Variants in PIGN observed in about 807,000 individuals in gnomAD.
PIGN encodes the protein phosphatidylinositol glycan anchor biosynthesis class N, also known as GPI ethanolamine phosphate transferase 1.
A neutral mutation model predicts 125.4 loss-of-function variants in PIGN; 117 were observed. The observed-to-expected ratio is 0.93, with a 90% CI of 0.80 to 1.09. PIGN has a LOEUF of 1.09. Ranked by LOEUF, PIGN falls within the 50% of genes least tolerant of loss-of-function variation. The pLI, the probability that PIGN is intolerant of heterozygous loss-of-function variation, is 0.00. For synonymous variants in PIGN, 392 were observed against 377.8 expected (o/e 1.04, Z -0.44); for missense variants, 1,075 against 1,094.9 (o/e 0.98, Z 0.26).
chr18:62,151,621 T>C (rs2147379735), intron 7 of PIGN, among the ~76,000 whole-genome samples: 1 of 152,300 alleles, frequency 6.6e-6, no homozygotes, highest in East Asian at 1.9e-4. Context: ...GGATCAAGAT[T>C]AAACACTGCA....
chr18:62,173,418 G>A (rs1168978400), intron 1 of PIGN, among the ~76,000 whole-genome samples: 2 of 152,020 alleles, frequency 1.3e-5, no homozygotes, highest in East Asian at 1.9e-4. Context: ...TTTTTCTAGA[G>A]ACTGGGTCTC....
chr18:62,087,221 A>G (rs1178757193), intron 25 of PIGN, among the ~76,000 whole-genome samples: 1 of 152,202 alleles, frequency 6.6e-6, no homozygotes, highest in Non-Finnish European at 1.5e-5. Context: ...AAGTAATTAT[A>G]GAGAAGAAGA....
At chr18:62,158,698 A>G (rs937845302) in intron 4 of PIGN, among the ~76,000 whole-genome samples, 1 of 152,252 alleles carries the variant, frequency 6.6e-6, no homozygotes, top group Non-Finnish European at 1.5e-5. Flanking sequence ...AAAAATATTT[A>G]TAACTACTGG....
intron 27 of PIGN, among the ~76,000 whole-genome samples, chr18:62,083,046 C>T (rs968737946): frequency 6.6e-6 from 1 of 151,978 alleles, no homozygotes; most frequent in African/African-American, 2.4e-5. Context: ...TAATAATTAA[C>T]CACAATGTTC....
At chr18:62,161,064 A>C (rs1798160347) in intron 4 of PIGN, 69 bp downstream of exon 4, 1 of 963,630 alleles carries the variant, frequency 1.0e-6, no homozygotes, top group Non-Finnish European at 1.6e-6. Context: ...AAATAGTAAG[A>C]TATTTTGCAG....
chr18:62,097,677 T>C (rs1337579005), intron 22 of PIGN, among the ~76,000 whole-genome samples: 1 of 152,182 alleles, frequency 6.6e-6, no homozygotes, highest in Non-Finnish European at 1.5e-5. Flanking sequence ...CAAAGACAAC[T>C]TACTCCTCAG....
At chr18:62,022,990 T>C (rs2030071644) in intron 23 of PIGN, among the ~76,000 whole-genome samples, 1 of 152,248 alleles carries the variant, frequency 6.6e-6, no homozygotes, top group Admixed American at 6.5e-5. Context: ...TGTAAATAGA[T>C]GTTCTACTGT....
rs1456027843 is a variant in PIGN at position 62,106,784 on chromosome 18, C to A, written c.1767+5G>T. On this transcript the variant is annotated splice_donor_5th_base_variant and intron_variant, in intron 19 of 30. Coordinates refer to ENST00000640252, the MANE Select transcript of PIGN (RefSeq NM_176787.5). The stretch of plus-strand genomic sequence containing the variant: ...TCTGTCCTATGTCAAAATGAGTACT[C>A]ATACCTTTGCTCGAGTCCACAGCCG... The A allele has an allele frequency of 6.3e-7, 1 of 1,591,386 alleles. No homozygotes were observed. Among genetic ancestry groups the A allele is most frequent in the East Asian group, 2.3e-5 (1 of 44,266 alleles).
At chr18:62,032,688 G>A (rs977491634) in intron 23 of PIGN, among the ~76,000 whole-genome samples, 1 of 152,178 alleles carries the variant, frequency 6.6e-6, no homozygotes, top group Non-Finnish European at 1.5e-5. Context: ...TTGTTTACTA[G>A]CTGTGAGATC....
At chr18:62,083,860 C>T (rs578243919) in intron 27 of PIGN, among the ~76,000 whole-genome samples, 5 of 152,182 alleles carry the variant, frequency 3.3e-5, no homozygotes, top group African/African-American at 7.2e-5. Context: ...TAAGATGACA[C>T]CTTTAACCAT....
Position 62,157,808 on chromosome 18 carries a change from C to T in PIGN, c.222G>A (p.Arg74=). The change falls in exon 5 of 31, where the codon AGG becomes AGA. Residue 74 remains arginine, a splice_region_variant and synonymous_variant. Transcript: ENST00000640252. The stretch of plus-strand genomic sequence containing the variant: ...AGCTGCCTTCATGCATTATGATATT[C>T]CTAAAAGATATTAAAGACAAATAGT... ...ENGNSRAPFI[R]NIIMHEGSWG... is the part of the protein sequence containing the mutation. 1 of 1,608,428 alleles carries T rather than the reference C, an allele frequency of 6.2e-7. No homozygotes were observed. The highest frequency in any genetic ancestry group is 1.3e-5 in the African/African-American group (1 of 74,936).
At chr18:62,071,772 T>C (rs2032861258) in intron 30 of PIGN, among the ~76,000 whole-genome samples, 1 of 150,522 alleles carries the variant, frequency 6.6e-6, no homozygotes, top group South Asian at 2.1e-4. Flanking sequence ...GTACAGTACA[T>C]AATATCTGAT....
At chr18:62,054,772 C>T (rs968813784) in intron 30 of PIGN, among the ~76,000 whole-genome samples, 2 of 152,056 alleles carry the variant, frequency 1.3e-5, no homozygotes, top group African/African-American at 4.8e-5. Flanking sequence ...GGATTACAGG[C>T]ATGAGCCACT....
rs1353940862 is a variant in PIGN at position 62,162,279 on chromosome 18, C to G, written c.-59G>C. 1 of 151,914 alleles carries G rather than the reference C, an allele frequency of 6.6e-6. No individual in the cohort carries two copies. Among genetic ancestry groups the G allele is most frequent in the Non-Finnish European group, 1.5e-5 (1 of 67,958 alleles). The allele number at this position is 151,914 out of a possible 1,614,324, so 9.4% of individuals were successfully genotyped here. Reference sequence around the variant, plus strand: ...ATTAAATTGCCAAGATCAAACGGAACATGGGAGTACTTTCCAAGCCAGTGT... The same window carrying G: ...ATTAAATTGCCAAGATCAAACGGAAGATGGGAGTACTTTCCAAGCCAGTGT... On this transcript the variant is annotated 5_prime_UTR_variant, in exon 3 of 31. It removes an upstream start codon present in the reference 5' UTR. Coordinates refer to ENST00000640252, the MANE Select transcript of PIGN (RefSeq NM_176787.5).
chr18:62,075,219 ACT>A (rs986587427), intron 28 of PIGN: 1 of 164,136 alleles, frequency 6.1e-6, no homozygotes, highest in African/African-American at 2.4e-5. Context: ...GGACAATGAC[ACT>A]GATACTGTCA....
rs1381019101 is a variant in PIGN, at chr18:62,041,704, TG to T, written c.*4151del. 1 of 142,668 alleles carries T rather than the reference TG, an allele frequency of 7.0e-6. No individual in the cohort carries two copies. The highest frequency in any genetic ancestry group is 2.6e-5 in the African/African-American group (1 of 37,784). 8.8% of individuals were successfully genotyped at this position (142,668 alleles called of 1,614,324 possible). On this transcript the variant is annotated 3_prime_UTR_variant, in exon 31 of 31. Coordinates refer to ENST00000640252, the MANE Select transcript of PIGN (RefSeq NM_176787.5). Reference sequence around the variant, plus strand: ...GTGTGTGTGTGTGTGTGTGTGTGTGTGTTTAGTAGAGATGGGGTTTTGCCAT... The same window carrying T: ...GTGTGTGTGTGTGTGTGTGTGTGTGTTTTAGTAGAGATGGGGTTTTGCCAT...
At chr18:62,117,560 A>C (rs2035134641) in intron 14 of PIGN, among the ~76,000 whole-genome samples, 1 of 152,014 alleles carries the variant, frequency 6.6e-6, no homozygotes, top group Non-Finnish European at 1.5e-5. Context: ...CCCTCTAAAA[A>C]GAATCTAAAT....
At position 62,062,882 on chromosome 18, in the gene PIGN, C is replaced by CTTTTTTTTTTTT. The variant is rs71160811; in HGVS notation, c.2672+9779_2672+9790dup. Among the ~76,000 whole-genome samples the CTTTTTTTTTTTT allele has an allele frequency of 6.6e-4, 14 of 21,066 alleles. 1 individual carries two copies. Among genetic ancestry groups the CTTTTTTTTTTTT allele is most frequent in the African/African-American group, 1.5e-3 (6 of 4,110 alleles). 13.8% of individuals were successfully genotyped at this position (21,066 alleles called of 152,430 possible). ...ATTTGTTTTATGCTTTTGTATTCTG[C>CTTTTTTTTTTTT]TTTTTTTTTTTTTTTTTTTTTTTTT... is the stretch of plus-strand genomic sequence containing the variant. On this transcript the variant is annotated intron_variant, in intron 30 of 30. Transcript: ENST00000640252.
At chr18:62,103,078 A>AT (rs1213384433) in intron 20 of PIGN, among the ~76,000 whole-genome samples, 176 bp from the exon 21 acceptor site, 2 of 152,282 alleles carry the variant, frequency 1.3e-5, no homozygotes, top group Middle Eastern at 3.4e-3. Flanking sequence ...AAGTTTTAAG[A>AT]TTTTAAGAAA....
Sources: gnomAD v4.1 joint callset for allele counts (sites outside exome capture counted in the v4.1 genomes callset) on GRCh38, gnomAD v4.1.1 for gene constraint, MANE v1.5 for transcripts, NCBI Gene and HGNC (gene_info 2026-07-23, HGNC 2026-07-21) for gene names.